Variants in ARFGEF1 observed in about 807,000 individuals in gnomAD.
The protein encoded by ARFGEF1 is ARF guanine nucleotide exchange factor 1.
Under a neutral mutation model 231.0 loss-of-function variants are expected in ARFGEF1, and 42 were observed. The ratio of observed to expected loss-of-function variants is 0.18; its 90% CI spans 0.14 to 0.24. The LOEUF (loss-of-function observed/expected upper bound fraction) is 0.24, where lower values mean the gene tolerates loss of function less well. Among genes scored for constraint, ARFGEF1 ranks in the 10% least tolerant of loss-of-function variants. The pLI is 1.00. For synonymous variants in ARFGEF1, 710 were observed against 732.3 expected (o/e 0.97, Z 0.49); for missense variants, 1,345 against 2,192.0 (o/e 0.61, Z 7.72).
intron 1 of ARFGEF1, among the ~76,000 whole-genome samples, chr8:67,318,534 G>C (rs1807434402): frequency 6.6e-6 from 1 of 152,072 alleles, no homozygotes. Flanking sequence ...CAGATTACAT[G>C]ATTATTTAAG....
chr8:67,247,714 A>T (rs1299881783), intron 19 of ARFGEF1, among the ~76,000 whole-genome samples: 2 of 150,592 alleles, frequency 1.3e-5, no homozygotes, highest in African/African-American at 2.5e-5. Context: ...AACTAGCTGG[A>T]GGAATCAGAA....
At chr8:67,231,368 C>G (rs113993309) in intron 23 of ARFGEF1, among the ~76,000 whole-genome samples, 3 of 151,930 alleles carry the variant, frequency 2.0e-5, no homozygotes, top group Admixed American at 2.0e-4. Flanking sequence ...AAGTATCTGG[C>G]GATGACAAGA....
At position 67,190,782 on chromosome 8, in the gene ARFGEF1, C is replaced by T. The variant is rs371462094; in HGVS notation, c.560+9614G>A. 49 of 1,519,268 alleles carry T rather than the reference C, an allele frequency of 3.2e-5. No individual in the cohort carries two copies. The African/African-American group carries it at 5.3e-4, about 17-fold the overall frequency. 94.1% of individuals were successfully genotyped at this position (1,519,268 alleles called of 1,614,324 possible). A position where few individuals can be genotyped will look rare whatever the true frequency, so the allele number is the denominator to read the frequency against. ...ATTGTATGTATGAGACTTTTCTCCCCCTTTTCAACTTAGAAGAATGAGAGG... is the reference window on the plus strand; with the variant it reads ...ATTGTATGTATGAGACTTTTCTCCCTCTTTTCAACTTAGAAGAATGAGAGG... On this transcript the variant is annotated intron_variant, in intron 5 of 5. Transcript: ENST00000518789.
At position 67,198,335 on chromosome 8, in the gene ARFGEF1, TAAAGA is replaced by T; in HGVS notation, c.*594_*598del. ...GGTATTTAGCAAATGAATAAGAAAA[TAAAGA>T]AAACAGTGCAGGAAGAACTATATAA... On this transcript the variant is annotated 3_prime_UTR_variant, in exon 39 of 39. Coordinates refer to ENST00000262215, the MANE Select transcript of ARFGEF1 (RefSeq NM_006421.5). 1 of 984,092 alleles carries T rather than the reference TAAAGA, an allele frequency of 1.0e-6. No individual in the cohort carries two copies. The highest frequency in any genetic ancestry group is 4.7e-5 in the South Asian group (1 of 21,260). The allele number at this position is 984,092 out of a possible 1,614,324, so 61.0% of individuals were successfully genotyped here.
intron 1 of ARFGEF1, among the ~76,000 whole-genome samples, chr8:67,317,673 G>A (rs1490241498): frequency 1.3e-5 from 2 of 151,350 alleles, no homozygotes; most frequent in Non-Finnish European, 1.5e-5. Flanking sequence ...CACTTTGGGA[G>A]GCTGAAGCAG....
At chr8:67,210,302 AC>A (rs1299499081) in intron 34 of ARFGEF1, among the ~76,000 whole-genome samples, 1 of 151,022 alleles carries the variant, frequency 6.6e-6, no homozygotes. Context: ...ACATGGCAAA[AC>A]CCTGTCCCTA....
downstream of ARFGEF1, chr8:67,174,382 C>A (rs1338690751): frequency 6.6e-6 from 1 of 152,020 alleles, no homozygotes. Context: ...CTTTATATTC[C>A]AGCAGTGTAA....
At chr8:67,273,140 CA>C (rs949942251) in intron 9 of ARFGEF1, among the ~76,000 whole-genome samples, 3 of 151,802 alleles carry the variant, frequency 2.0e-5, no homozygotes, top group Admixed American at 2.0e-4. Context: ...AATAAAAATA[CA>C]AACTTAAATA....
At position 67,204,722 on chromosome 8, in the gene ARFGEF1, G is replaced by A. The variant is rs149974917; in HGVS notation, c.4917C>T (p.Ala1639=). 4.9e-5 allele frequency: 79 copies of A among 1,613,454 alleles called. No homozygotes were observed. Among genetic ancestry groups the A allele is most frequent in the Non-Finnish European group, 6.4e-5 (76 of 1,179,838 alleles). Residue 1639 remains alanine, a synonymous_variant, in exon 35 of 39, where the codon GCC becomes GCT. Transcript: ENST00000262215. The stretch of plus-strand genomic sequence containing the variant: ...TTTCTGCATCTTCTTTCTTACTTGT[G>A]GCTGGGAAGAAGACAATGTTGTCGA... ...QTIDNIVFFP[A]TSKKEDAENL...
At chr8:67,292,839 G>A (rs1806068579) in intron 5 of ARFGEF1, among the ~76,000 whole-genome samples, 1 of 151,968 alleles carries the variant, frequency 6.6e-6, no homozygotes, top group Non-Finnish European at 1.5e-5. Context: ...GACCTGATAA[G>A]AATGAGTCTC....
At chr8:67,299,669 G>A (rs1371556588) in intron 3 of ARFGEF1, among the ~76,000 whole-genome samples, 1 of 152,156 alleles carries the variant, frequency 6.6e-6, no homozygotes, top group African/African-American at 2.4e-5. Context: ...TACTGTGCTG[G>A]GCGCAGTGGC....
rs765176782 is a variant in ARFGEF1 at position 67,210,395 on chromosome 8, G to A, written c.4819+1088C>T. Among the ~76,000 whole-genome samples the A allele has an allele frequency of 9.3e-5, 14 of 151,010 alleles. 1 individual carries two copies. Among genetic ancestry groups the A allele is most frequent in the Admixed American group, 5.9e-4 (9 of 15,182 alleles). On this transcript the variant is annotated intron_variant, in intron 34 of 38. Coordinates refer to ENST00000262215, the MANE Select transcript of ARFGEF1 (RefSeq NM_006421.5). ...CTCGGGAGGCTAAGGTGGGAAGATC[G>A]CTTGAGCCTGGAGGTTGAGGCTGCA... is the stretch of plus-strand genomic sequence containing the variant.
downstream of ARFGEF1, chr8:67,174,371 T>C (rs901049962): frequency 7.9e-5 from 12 of 152,216 alleles, no homozygotes; most frequent in African/African-American, 2.7e-4. Context: ...TAGGATCATT[T>C]CTTTATATTC....
At chr8:67,306,754 C>G (rs923275913) in intron 1 of ARFGEF1, among the ~76,000 whole-genome samples, 1 of 152,056 alleles carries the variant, frequency 6.6e-6, no homozygotes, top group African/African-American at 2.4e-5. Context: ...CTCTCGAAAG[C>G]AAATGGATAG....
Position 67,226,202 on chromosome 8 carries a change from T to C in ARFGEF1, c.3917-19A>G, listed in dbSNP as rs1321447239. 4 of 1,515,182 alleles carry C rather than the reference T, an allele frequency of 2.6e-6. No individual in the cohort carries two copies. Among genetic ancestry groups the C allele is most frequent in the Non-Finnish European group, 3.5e-6 (4 of 1,130,338 alleles). 93.9% of individuals were successfully genotyped at this position (1,515,182 alleles called of 1,614,324 possible). A position where few individuals can be genotyped will look rare whatever the true frequency, so the allele number is the denominator to read the frequency against. ...ACAAGGGCTAAAATAGAGAAAAATA[T>C]ATATTACTATAATTTTTCAATTATT... On this transcript the variant is annotated intron_variant, in intron 27 of 38. Transcript: ENST00000262215.
intron 30 of ARFGEF1, 62 bp from the exon 31 acceptor site, chr8:67,218,200 AAAAAAAAATATATAT>A: frequency 5.0e-6 from 1 of 200,752 alleles, no homozygotes; most frequent in Non-Finnish European, 7.7e-6. Context: ...TTAAAAAAAA[AAAAAAAAATATATAT>A]ATATATATAT....
At chr8:67,285,581 T>G (rs1805724011) in intron 7 of ARFGEF1, among the ~76,000 whole-genome samples, 1 of 152,010 alleles carries the variant, frequency 6.6e-6, no homozygotes, top group Admixed American at 6.6e-5. Flanking sequence ...TATCAAAGTA[T>G]CACCTCAGAT....
chr8:67,246,341 G>A (rs1840105888), intron 19 of ARFGEF1, among the ~76,000 whole-genome samples: 1 of 150,530 alleles, frequency 6.6e-6, no homozygotes, highest in African/African-American at 2.5e-5. Context: ...GATCATTCTA[G>A]AGGATAGACC....
chr8:67,325,021 C>T (rs923882074), intron 1 of ARFGEF1, among the ~76,000 whole-genome samples: 3 of 151,510 alleles, frequency 2.0e-5, no homozygotes, highest in African/African-American at 7.3e-5. Flanking sequence ...TCAAGCAATT[C>T]TCCTGCCTCA....
Sources: allele counts gnomAD v4.1 joint callset (sites outside exome capture counted in the v4.1 genomes callset), GRCh38; gene constraint gnomAD v4.1.1; transcripts MANE v1.5; gene names NCBI Gene and HGNC (gene_info 2026-07-23, HGNC 2026-07-21).